The following ABAT variants were observed in gnomAD, a reference collection of about 807,000 sequenced individuals.
ABAT encodes 4-aminobutyrate aminotransferase, also known as 4-aminobutyrate aminotransferase, mitochondrial.
A neutral mutation model predicts 64.6 loss-of-function variants in ABAT; 45 were observed. The ratio of observed to expected loss-of-function variants is 0.70; its 90% CI spans 0.55 to 0.89. ABAT has a LOEUF of 0.89. Ranked by LOEUF, ABAT falls within the 40% of genes least tolerant of loss-of-function variation. The pLI is 0.00. For missense variants in ABAT, 633 were observed against 658.4 expected, an observed-to-expected ratio of 0.96 and a Z score of 0.42; for synonymous variants, 297 against 250.5, an observed-to-expected ratio of 1.19 and a Z score of -1.75.
chr16:8,757,441 T>C, intron 5 of ABAT: 1 of 380,344 alleles, frequency 2.6e-6, no homozygotes, highest in Non-Finnish European at 5.1e-6. Context: ...GTGCTGGGAT[T>C]ACAGGTGTGA....
At chr16:8,721,409 T>C (rs999138688) in intron 1 of ABAT, among the ~76,000 whole-genome samples, 1 of 152,000 alleles carries the variant, frequency 6.6e-6, no homozygotes, top group East Asian at 1.9e-4. Context: ...CTCCAGAGCT[T>C]CCCCCGGTGC....
At chr16:8,724,455 G>C (rs149446463) in intron 1 of ABAT, among the ~76,000 whole-genome samples, 48 of 152,276 alleles carry the variant, frequency 3.2e-4, no homozygotes, top group African/African-American at 7.9e-4. Flanking sequence ...CTCTCAGCTA[G>C]GCATGGTGGT....
intron 2 of ABAT, among the ~76,000 whole-genome samples, chr16:8,745,688 ACT>A (rs1024078462): frequency 6.6e-6 from 1 of 151,446 alleles, no homozygotes; most frequent in Non-Finnish European, 1.5e-5. Context: ...ATAGAGCAAG[ACT>A]CTGTCTCAAA....
chr16:8,739,162 T>A (rs758242135), intron 2 of ABAT, among the ~76,000 whole-genome samples: 1 of 152,174 alleles, frequency 6.6e-6, no homozygotes, highest in Non-Finnish European at 1.5e-5. Context: ...AAGAAAGACA[T>A]GTGGCTCTTG....
intron 1 of ABAT, among the ~76,000 whole-genome samples, chr16:8,677,353 A>G (rs1164119764): frequency 1.3e-5 from 2 of 152,182 alleles, no homozygotes; most frequent in African/African-American, 4.8e-5. Flanking sequence ...ATGTCTTCCT[A>G]GAGAGACAGT....
intron 1 of ABAT, among the ~76,000 whole-genome samples, chr16:8,689,925 C>T (rs1020242608): frequency 6.6e-6 from 1 of 152,292 alleles, no homozygotes; most frequent in South Asian, 2.1e-4. Flanking sequence ...AAACTACATT[C>T]AACAGCTGGT....
At position 8,750,516 on chromosome 16, in the gene ABAT, C is replaced by G; in HGVS notation, c.293C>G (p.Ser98Cys). 6.2e-7 allele frequency: 1 copy of G among 1,613,982 alleles called. No homozygotes were observed. Among genetic ancestry groups the G allele is most frequent in the Non-Finnish European group, 8.5e-7 (1 of 1,179,904 alleles). The change falls in exon 5 of 16, where the codon TCC (serine) becomes TGC (cysteine). Residue 98 changes from serine (S) to cysteine (C), a missense_variant. Transcript: ENST00000268251. The stretch of plus-strand genomic sequence containing the variant: ...GGCAACCGAATGCTGGATCTTTATT[C>G]CCAGATCTCCTCTGTCCCCATAGGT... ...VDGNRMLDLY[S>C]QISSVPIGYS...
chr16:8,678,813 G>T (rs982498373), intron 1 of ABAT, among the ~76,000 whole-genome samples: 6 of 152,306 alleles, frequency 3.9e-5, no homozygotes, highest in East Asian at 3.9e-4. Context: ...ACCTTGAAAG[G>T]TTCCTGAGTC....
chr16:8,738,917 T>A (rs1028086678), intron 2 of ABAT, among the ~76,000 whole-genome samples: 1 of 152,236 alleles, frequency 6.6e-6, no homozygotes, highest in Non-Finnish European at 1.5e-5. Context: ...AGTGTTAGGA[T>A]TACTGGCATG....
chr16:8,767,389 G>A (rs929429524), intron 9 of ABAT, among the ~76,000 whole-genome samples: 3 of 152,156 alleles, frequency 2.0e-5, no homozygotes, highest in African/African-American at 4.8e-5. Flanking sequence ...TGCCCAGCTC[G>A]GCCCCTTGCC....
At chr16:8,750,385 T>TG in intron 4 of ABAT, 37 bp from the exon 5 acceptor site, 1 of 1,528,252 alleles carries the variant, frequency 6.5e-7, no homozygotes, top group South Asian at 1.1e-5. Flanking sequence ...ATCTAGGGAG[T>TG]GGCAGTGAGC....
At chr16:8,720,064 C>T (rs1051523034) in intron 1 of ABAT, among the ~76,000 whole-genome samples, 1 of 152,196 alleles carries the variant, frequency 6.6e-6, no homozygotes, top group Non-Finnish European at 1.5e-5. Context: ...CTGCCTGCCT[C>T]GGCCTCCCAA....
chr16:8,780,751 A>G (rs2060410104), intron 15 of ABAT: 1 of 198,686 alleles, frequency 5.0e-6, no homozygotes, highest in Admixed American at 5.6e-5. Context: ...TGACAGCGCG[A>G]GACTCCATCT....
rs1215267705 is a variant in ABAT, at chr16:8,784,032, G to C, written c.*2602G>C. On this transcript the variant is annotated 3_prime_UTR_variant, in exon 16 of 16. Transcript: ENST00000268251. ...TTCAAGGAAAAGAATTCTCAGCAGAGCTCAAGATTGTAGAAACTCAGCAGA... is the reference window on the plus strand; with the variant it reads ...TTCAAGGAAAAGAATTCTCAGCAGACCTCAAGATTGTAGAAACTCAGCAGA... The C allele has an allele frequency of 1.3e-5, 2 of 152,284 alleles. No homozygotes were observed. The highest frequency in any genetic ancestry group is 1.3e-4 in the Admixed American group (2 of 15,278). 9.4% of individuals were successfully genotyped at this position (152,284 alleles called of 1,614,324 possible).
At chr16:8,679,576 A>T (rs1211924843) in intron 1 of ABAT, among the ~76,000 whole-genome samples, 3 of 150,414 alleles carry the variant, frequency 2.0e-5, no homozygotes, top group Non-Finnish European at 4.4e-5. Flanking sequence ...AACCTCTCTC[A>T]TTGGGCCGCT....
In ABAT at chr16:8,748,094, G is replaced by T; in HGVS notation, c.169-14G>T. On this transcript the variant is annotated splice_polypyrimidine_tract_variant and intron_variant, in intron 3 of 15. Coordinates refer to ENST00000268251, the MANE Select transcript of ABAT (RefSeq NM_020686.6). ...GTGGACTTGCTATAATGCTTTTGTT[G>T]TTCTTGCCTGCAGGAGTTAATGAAA... The T allele has an allele frequency of 2.5e-6, 4 of 1,613,152 alleles. No homozygotes were observed. The highest frequency in any genetic ancestry group is 3.4e-6 in the Non-Finnish European group (4 of 1,179,280).
chr16:8,730,015 A>C (rs1273936387), intron 1 of ABAT, among the ~76,000 whole-genome samples: 1 of 151,994 alleles, frequency 6.6e-6, no homozygotes, highest in Non-Finnish European at 1.5e-5. Context: ...ACCCCAGAAG[A>C]TACTTCCTGC....
chr16:8,755,946 G>T (rs533965588), intron 5 of ABAT, among the ~76,000 whole-genome samples: 37 of 152,326 alleles, frequency 2.4e-4, no homozygotes, highest in African/African-American at 8.4e-4. Flanking sequence ...CTACTCGGGA[G>T]GCTGAGGCAG....
chr16:8,704,061 C>T (rs183236047), intron 1 of ABAT, among the ~76,000 whole-genome samples: 76 of 152,328 alleles, frequency 5.0e-4, no homozygotes, highest in Non-Finnish European at 6.6e-4. Flanking sequence ...TCCTTTCTTC[C>T]ACTATCTTGG....
Sources: allele counts gnomAD v4.1 joint callset (sites outside exome capture counted in the v4.1 genomes callset), GRCh38; gene constraint gnomAD v4.1.1; transcripts MANE v1.5; gene names NCBI Gene and HGNC (gene_info 2026-07-23, HGNC 2026-07-21).